Variants in TRAPPC9 observed in about 807,000 individuals in gnomAD.
TRAPPC9 encodes the protein trafficking protein particle complex subunit 9.
Under a neutral mutation model 124.0 loss-of-function variants are expected in TRAPPC9, and 83 were observed. The ratio of observed to expected loss-of-function variants is 0.67; its 90% CI spans 0.56 to 0.80. TRAPPC9 has a LOEUF of 0.80. Ranked by LOEUF, TRAPPC9 falls within the 30% of genes least tolerant of loss-of-function variation. TRAPPC9 has a pLI of 0.00. For missense variants in TRAPPC9, 1,302 were observed against 1,508.3 expected (o/e 0.86, Z 2.27); for synonymous variants, 638 against 617.5 (o/e 1.03, Z -0.49).
chr8:139,867,143 C>T (rs1294204052), intron 21 of TRAPPC9, among the ~76,000 whole-genome samples: 1 of 152,116 alleles, frequency 6.6e-6, no homozygotes, highest in Non-Finnish European at 1.5e-5. Context: ...CTCTAAATAT[C>T]AATTTTCATT....
rs184373621 is a variant in TRAPPC9 at position 139,985,299 on chromosome 8, T to C, written c.2810+3427A>G. Among the ~76,000 whole-genome samples the C allele has an allele frequency of 2.6e-5, 4 of 152,318 alleles. No homozygotes were observed. In the East Asian group the frequency reaches 7.7e-4, roughly 29 times the overall value. On this transcript the variant is annotated intron_variant, in intron 19 of 22. Transcript: ENST00000438773. ...TTTATAATTTCTTTAAAGTGTTTTA[T>C]ACTAGTGTCATAAGACGACCAGATT...
intron 5 of TRAPPC9, among the ~76,000 whole-genome samples, chr8:140,410,720 G>A (rs1306318212): frequency 2.0e-5 from 3 of 151,790 alleles, no homozygotes. Flanking sequence ...GCGGGCACCT[G>A]TAGTCCCAGC....
At chr8:140,158,550 T>C (rs1394861186) in intron 17 of TRAPPC9, among the ~76,000 whole-genome samples, 1 of 152,276 alleles carries the variant, frequency 6.6e-6, no homozygotes, top group Non-Finnish European at 1.5e-5. Flanking sequence ...AAATTTGTGT[T>C]GTTTTAAGCC....
chr8:140,094,169 T>C (rs566191554), intron 17 of TRAPPC9, among the ~76,000 whole-genome samples: 1 of 152,258 alleles, frequency 6.6e-6, no homozygotes, highest in East Asian at 1.9e-4. Flanking sequence ...AATTGCCAAA[T>C]TCTTTGGCTG....
chr8:139,818,658 C>A (rs745865466), intron 21 of TRAPPC9, among the ~76,000 whole-genome samples: 1 of 152,080 alleles, frequency 6.6e-6, no homozygotes, highest in Non-Finnish European at 1.5e-5. Flanking sequence ...GTGGGGGTAA[C>A]CTGACTTTTA....
intron 18 of TRAPPC9, among the ~76,000 whole-genome samples, chr8:140,023,048 C>G (rs530780351): frequency 5.9e-4 from 90 of 152,314 alleles, no homozygotes; most frequent in South Asian, 4.6e-3. Context: ...ACGGGATCCC[C>G]CCACCGCCCC....
chr8:140,089,235 G>A (rs1587681597), intron 17 of TRAPPC9, among the ~76,000 whole-genome samples: 1 of 151,718 alleles, frequency 6.6e-6, no homozygotes, highest in Non-Finnish European at 1.5e-5. Flanking sequence ...CTTCCCCCCC[G>A]AGTGTTCCCC....
rs1026661855 is a variant in TRAPPC9, at chr8:139,962,379, G to A, written c.2810+26347C>T. On this transcript the variant is annotated intron_variant, in intron 19 of 22. Transcript: ENST00000438773. ...TAAACTTGATAGCCATCCATAAGCC[G>A]TGAAGCTGAGCAAAGGCACCAAGGT... 4.8e-5 allele frequency among the ~76,000 whole-genome samples: 6 copies of A among 125,126 alleles called. 2 individuals are homozygous for A. The highest frequency in any genetic ancestry group is 9.5e-5 in the Non-Finnish European group (5 of 52,478). The allele number at this position is 125,126 out of a possible 152,430, so 82.1% of individuals were successfully genotyped here. A position where few individuals can be genotyped will look rare whatever the true frequency, so the allele number is the denominator to read the frequency against.
intron 21 of TRAPPC9, among the ~76,000 whole-genome samples, chr8:139,865,267 C>G (rs929291384): frequency 6.6e-6 from 1 of 152,224 alleles, no homozygotes; most frequent in Non-Finnish European, 1.5e-5. Flanking sequence ...CATGTCCATG[C>G]GTTCTGGTCT....
intron 17 of TRAPPC9, among the ~76,000 whole-genome samples, chr8:140,119,967 C>T (rs6994441): frequency 0.31 from 46,913 of 152,136 alleles, 7,437 homozygotes; most frequent in Admixed American, 0.36. Context: ...TCCTTGCTTC[C>T]TAGTCCCATT....
At chr8:140,155,809 G>A (rs978993714) in intron 17 of TRAPPC9, among the ~76,000 whole-genome samples, 3 of 152,116 alleles carry the variant, frequency 2.0e-5, no homozygotes, top group Admixed American at 1.3e-4. Flanking sequence ...ATGGGAAAGG[G>A]GTTATGTTCT....
chr8:140,225,715 CGTCCTCT>C (rs1220021463), intron 16 of TRAPPC9, among the ~76,000 whole-genome samples: 1 of 152,154 alleles, frequency 6.6e-6, no homozygotes, highest in Admixed American at 6.5e-5. Context: ...CCCAGTAAGC[CGTCCTCT>C]GTTGAGTGAA....
intron 15 of TRAPPC9, among the ~76,000 whole-genome samples, chr8:140,272,130 C>CAATGATGATGGTGGCGATGGTGATGGT (rs1450234909): frequency 0.14 from 13,913 of 100,222 alleles, 734 homozygotes; most frequent in South Asian, 0.22. Flanking sequence ...GTGATGGTGG[C>CAATGATGATGGTGGCGATGGTGATGGT]GATGGTGATG....
chr8:139,971,572 C>T (rs920154870), intron 19 of TRAPPC9, among the ~76,000 whole-genome samples: 2 of 152,118 alleles, frequency 1.3e-5, no homozygotes, highest in Admixed American at 1.3e-4. Flanking sequence ...GAGGTGGGTG[C>T]TCTATCCCCT....
At chr8:140,427,624 G>T (rs757669418) in intron 4 of TRAPPC9, among the ~76,000 whole-genome samples, 9 of 151,978 alleles carry the variant, frequency 5.9e-5, no homozygotes, top group Non-Finnish European at 1.0e-4. Flanking sequence ...ACACCTCAAG[G>T]GGTACTGGTT....
chr8:139,972,659 C>A (rs895903327), intron 19 of TRAPPC9, among the ~76,000 whole-genome samples: 1 of 152,188 alleles, frequency 6.6e-6, no homozygotes, highest in Non-Finnish European at 1.5e-5. Flanking sequence ...CAGAGCAACA[C>A]AAATCACAGG....
At chr8:139,764,542 C>T (rs1586795744) in intron 21 of TRAPPC9, among the ~76,000 whole-genome samples, 1 of 152,174 alleles carries the variant, frequency 6.6e-6, no homozygotes, top group Non-Finnish European at 1.5e-5. Flanking sequence ...AATGGCTTTC[C>T]CAGCACTGAG....
At chr8:140,032,616 GCTTA>G (rs1840572219) in intron 17 of TRAPPC9, among the ~76,000 whole-genome samples, 1 of 152,152 alleles carries the variant, frequency 6.6e-6, no homozygotes, top group South Asian at 2.1e-4. Context: ...ATATGCTACA[GCTTA>G]CTTAAACAGT....
intron 17 of TRAPPC9, among the ~76,000 whole-genome samples, chr8:140,166,770 T>C (rs973022851): frequency 6.6e-6 from 1 of 152,218 alleles, no homozygotes; most frequent in African/African-American, 2.4e-5. Flanking sequence ...CCAACTTGCC[T>C]ATCCGTCTTT....
Sources: allele counts gnomAD v4.1 joint callset (sites outside exome capture counted in the v4.1 genomes callset), GRCh38; gene constraint gnomAD v4.1.1; transcripts MANE v1.5; gene names NCBI Gene and HGNC (gene_info 2026-07-23, HGNC 2026-07-21).